ADGRL2: variants seen among roughly 807,000 people sequenced by gnomAD.
The protein encoded by ADGRL2 is calcium-independent alpha-latrotoxin receptor 2.
In ADGRL2, 44 loss-of-function variants were observed where a neutral mutation model predicts 157.4. The observed-to-expected ratio is 0.28, with a 90% CI of 0.22 to 0.36. The LOEUF (loss-of-function observed/expected upper bound fraction) is 0.36. Among genes scored for constraint, ADGRL2 ranks in the 10% least tolerant of loss-of-function variants. The pLI, the probability that ADGRL2 is intolerant of heterozygous loss-of-function variation, is 1.00. For missense variants in ADGRL2, 1,510 were observed against 1,768.9 expected, an observed-to-expected ratio of 0.85 and a Z score of 2.63; for synonymous variants, 585 against 624.7, an observed-to-expected ratio of 0.94 and a Z score of 0.95.
intron 1 of ADGRL2, among the ~76,000 whole-genome samples, chr1:81,830,049 T>C (rs1251301118): frequency 1.3e-5 from 2 of 152,184 alleles, no homozygotes; most frequent in African/African-American, 4.8e-5. Flanking sequence ...TTACTACCAT[T>C]AAGTTTTGGG....
chr1:81,461,987 T>C (rs2077942817), intron 2 of ADGRL2, among the ~76,000 whole-genome samples: 1 of 129,244 alleles, frequency 7.7e-6, no homozygotes, highest in African/African-American at 2.9e-5. Flanking sequence ...AGGGAGAGAG[T>C]GACATGTGAA....
chr1:81,708,315 A>T (rs2083808879), intron 1 of ADGRL2, among the ~76,000 whole-genome samples: 1 of 152,188 alleles, frequency 6.6e-6, no homozygotes, highest in East Asian at 1.9e-4. Context: ...TGGCTAGCTC[A>T]TAATTTACCA....
chr1:81,896,638 TTGAG>T (rs747529376), intron 2 of ADGRL2, among the ~76,000 whole-genome samples: 5 of 152,186 alleles, frequency 3.3e-5, no homozygotes, highest in Admixed American at 6.5e-5. Context: ...TTTTATGTTC[TTGAG>T]TATGTTTAAC....
Position 81,539,028 on chromosome 1 carries a change from A to AAG in ADGRL2, c.-247-41848_-247-41847insAG, listed in dbSNP as rs1553121682. ...GTCTCAAAAAAAAAAAAAAAAAAAA[A>AAG]GACAACATAAAATCTTCCCTTAATA... is the stretch of plus-strand genomic sequence containing the variant. On this transcript the variant is annotated intron_variant, in intron 2 of 24. Transcript: ENST00000370721. 5.3e-3 allele frequency among the ~76,000 whole-genome samples: 771 copies of AAG among 144,794 alleles called. 14 individuals are homozygous for AAG. Among genetic ancestry groups the AAG allele is most frequent in the African/African-American group, 0.017 (672 of 39,298 alleles). The allele number at this position is 144,794 out of a possible 152,430, so 95.0% of individuals were successfully genotyped here. A position where few individuals can be genotyped will look rare whatever the true frequency, so the allele number is the denominator to read the frequency against.
At chr1:81,812,649 G>T (rs1340796157) in intron 1 of ADGRL2, among the ~76,000 whole-genome samples, 3 of 151,692 alleles carry the variant, frequency 2.0e-5, no homozygotes, top group Admixed American at 2.0e-4. Context: ...TTCCAGATAT[G>T]TAACATATTA....
At chr1:81,783,051 A>T (rs953408850) in intron 2 of ADGRL2, among the ~76,000 whole-genome samples, 2 of 152,190 alleles carry the variant, frequency 1.3e-5, no homozygotes, top group African/African-American at 4.8e-5. Context: ...GCTCTTAGAA[A>T]GCTTAAAGGC....
chr1:81,543,169 G>A (rs76499030), intron 2 of ADGRL2, among the ~76,000 whole-genome samples: 2,979 of 152,136 alleles, frequency 0.02, 92 homozygotes, highest in African/African-American at 0.068. Flanking sequence ...GAATGTTTGT[G>A]TCTCCCCCAA....
chr1:81,815,446 G>A (rs144439042), intron 1 of ADGRL2, among the ~76,000 whole-genome samples: 1 of 151,830 alleles, frequency 6.6e-6, no homozygotes, highest in African/African-American at 2.4e-5. Flanking sequence ...ATTTCACCTC[G>A]AGAAAATCTT....
intron 1 of ADGRL2, among the ~76,000 whole-genome samples, chr1:81,833,926 G>C (rs2150140041): frequency 6.6e-6 from 1 of 152,294 alleles, no homozygotes; most frequent in East Asian, 1.9e-4. Flanking sequence ...AAAAATGACA[G>C]AGGTTTGGTA....
chr1:81,656,105 T>G (rs780715536), intron 3 of ADGRL2, among the ~76,000 whole-genome samples: 1 of 152,232 alleles, frequency 6.6e-6, no homozygotes, highest in African/African-American at 2.4e-5. Context: ...GTCTTCTATC[T>G]CCCACTAGAT....
intron 1 of ADGRL2, among the ~76,000 whole-genome samples, chr1:81,402,041 A>C (rs2101273763): frequency 6.6e-6 from 1 of 152,110 alleles, no homozygotes; most frequent in East Asian, 1.9e-4. Flanking sequence ...AATGGACATA[A>C]ATTGGTAAGG....
chr1:81,748,616 A>T, intron 1 of ADGRL2, among the ~76,000 whole-genome samples: 1 of 151,866 alleles, frequency 6.6e-6, no homozygotes, highest in Non-Finnish European at 1.5e-5. Flanking sequence ...TTAATGAATG[A>T]TAAATTTTTT....
intron 4 of ADGRL2, among the ~76,000 whole-genome samples, chr1:81,939,410 GT>G (rs1647185930): frequency 6.6e-6 from 1 of 151,452 alleles, no homozygotes; most frequent in African/African-American, 2.4e-5. Context: ...GCAGGATTTG[GT>G]TTTGATTTTT....
intron 1 of ADGRL2, among the ~76,000 whole-genome samples, chr1:81,368,615 T>C (rs2076107672): frequency 6.6e-6 from 1 of 152,156 alleles, no homozygotes; most frequent in African/African-American, 2.4e-5. Context: ...AAGCCAAAAC[T>C]CCCCAAATGG....
At chr1:81,393,703 G>T (rs952839232) in intron 1 of ADGRL2, among the ~76,000 whole-genome samples, 1 of 151,972 alleles carries the variant, frequency 6.6e-6, no homozygotes, top group South Asian at 2.1e-4. Context: ...ACTAAGAAAG[G>T]TTGTGCCAAA....
Position 81,911,588 on chromosome 1 carries a change from C to T in ADGRL2, c.287+4358C>T, listed in dbSNP as rs149992088. 3.7e-4 allele frequency among the ~76,000 whole-genome samples: 57 copies of T among 152,238 alleles called. No individual in the cohort carries two copies. In the East Asian group the frequency reaches 9.7e-3, roughly 26 times the overall value. ...TGTTATCAAGGTAGTTTTGCTGCTT[C>T]GGATGATGCTTTATAACATGACCTC... On this transcript the variant is annotated intron_variant, in intron 3 of 23. Transcript: ENST00000686636.
intron 1 of ADGRL2, among the ~76,000 whole-genome samples, chr1:81,327,839 G>T (rs760060060): frequency 6.6e-6 from 1 of 152,026 alleles, no homozygotes; most frequent in African/African-American, 2.4e-5. Flanking sequence ...CGTTTAAAAC[G>T]TATAGGTCAT....
intron 3 of ADGRL2, among the ~76,000 whole-genome samples, chr1:81,583,505 C>T (rs2080960354): frequency 6.6e-6 from 1 of 151,856 alleles, no homozygotes; most frequent in African/African-American, 2.4e-5. Flanking sequence ...TGAAGAAAAA[C>T]CTCTATAGAA....
chr1:81,785,422 A>C (rs554385625), intron 2 of ADGRL2, among the ~76,000 whole-genome samples: 4 of 152,248 alleles, frequency 2.6e-5, no homozygotes, highest in Admixed American at 2.6e-4. Flanking sequence ...AAATTTATAG[A>C]AAGCTTTAAA....
Sources: allele counts gnomAD v4.1 joint callset (sites outside exome capture counted in the v4.1 genomes callset), GRCh38; gene constraint gnomAD v4.1.1; transcripts MANE v1.5; gene names NCBI Gene and HGNC (gene_info 2026-07-23, HGNC 2026-07-21).